The following REEP1 variants were observed in gnomAD, a reference collection of about 807,000 sequenced individuals.
The protein encoded by REEP1 is receptor accessory protein 1.
Under a neutral mutation model 40.3 loss-of-function variants are expected in REEP1, and 22 were observed. The observed-to-expected ratio is 0.55, with a 90% CI of 0.39 to 0.78. The LOEUF (loss-of-function observed/expected upper bound fraction) is 0.78, where lower values mean the gene tolerates loss of function less well. REEP1 is among the 30% of genes least tolerant of loss of function. The probability of loss-of-function intolerance (pLI) is 0.00; values close to 1 mark genes in which losing one functional copy is unlikely to be tolerated. For synonymous variants in REEP1, 116 were observed against 139.2 expected, an observed-to-expected ratio of 0.83 and a Z score of 1.17; for missense variants, 280 against 361.1, an observed-to-expected ratio of 0.78 and a Z score of 1.82.
intron 1 of REEP1, among the ~76,000 whole-genome samples, chr2:86,284,850 C>T (rs140692335): frequency 1.3e-5 from 2 of 152,258 alleles, no homozygotes; most frequent in Admixed American, 1.3e-4. Context: ...GAGCTGGTTG[C>T]CAGCATCCTC....
chr2:86,302,955 G>T (rs1040515694), intron 1 of REEP1, among the ~76,000 whole-genome samples: 1 of 152,156 alleles, frequency 6.6e-6, no homozygotes, highest in African/African-American at 2.4e-5. Flanking sequence ...GCATCTCACT[G>T]AGTTCAAGTG....
At chr2:86,323,554 G>A (rs112661839) in intron 1 of REEP1, among the ~76,000 whole-genome samples, 3,456 of 152,176 alleles carry the variant, frequency 0.023, 70 homozygotes, top group Middle Eastern at 0.054. Flanking sequence ...GAGAGACTTA[G>A]GTTGCACAGC....
intron 7 of REEP1, among the ~76,000 whole-genome samples, chr2:86,223,189 G>T (rs879893212): frequency 5.9e-5 from 9 of 152,236 alleles, no homozygotes; most frequent in African/African-American, 1.9e-4. Context: ...CAGGGGAATG[G>T]GTGTGTGGCC....
intron 1 of REEP1, 89 bp from the exon 2 acceptor site, chr2:86,282,331 CTAAGCTACAGA>C: frequency 2.0e-6 from 2 of 996,548 alleles, no homozygotes; most frequent in Non-Finnish European, 3.2e-6. Flanking sequence ...GAGCAACTCT[CTAAGCTACAGA>C]AAGTGCTGCT....
chr2:86,280,789 G>C (rs574054801), intron 2 of REEP1, among the ~76,000 whole-genome samples: 2 of 152,150 alleles, frequency 1.3e-5, no homozygotes, highest in South Asian at 2.1e-4. Flanking sequence ...ATTGCGGGGT[G>C]GGGTGGGGGG....
In REEP1 at chr2:86,215,712, C is replaced by A. The variant is rs1268713303; in HGVS notation, c.*1327G>T. The A allele has an allele frequency of 6.6e-6, 1 of 152,608 alleles. No homozygotes were observed. The highest frequency in any genetic ancestry group is 2.4e-5 in the African/African-American group (1 of 41,452). The allele number at this position is 152,608 out of a possible 1,614,324, so 9.5% of individuals were successfully genotyped here. A position where few individuals can be genotyped will look rare whatever the true frequency, so the allele number is the denominator to read the frequency against. On this transcript the variant is annotated 3_prime_UTR_variant, in exon 9 of 9. Transcript: ENST00000538924. The stretch of plus-strand genomic sequence containing the variant: ...CCAGATTCTTTTCAAATAAAATTCT[C>A]AATCTAAGTGGAAAGCCCCCTCAGA...
intron 1 of REEP1, among the ~76,000 whole-genome samples, chr2:86,296,823 C>T (rs1298989676): frequency 6.6e-6 from 1 of 152,160 alleles, no homozygotes; most frequent in African/African-American, 2.4e-5. Flanking sequence ...CGCCACTGCA[C>T]TCCAGCCTGT....
rs562115675 is a variant in REEP1, at chr2:86,307,224, C to G, written c.33-24982G>C. 3.3e-5 allele frequency among the ~76,000 whole-genome samples: 5 copies of G among 151,256 alleles called. No homozygotes were observed. The South Asian group carries it at 1.0e-3, about 32-fold the overall frequency. On this transcript the variant is annotated intron_variant, in intron 1 of 8. Transcript: ENST00000538924. ...GTCAAAAAAAAAAAAAAAAGTCACACCTATTTATCCATGTTCTACTTTATG... is the reference window on the plus strand; with the variant it reads ...GTCAAAAAAAAAAAAAAAAGTCACAGCTATTTATCCATGTTCTACTTTATG...
chr2:86,225,046 C>A (rs538929946), intron 7 of REEP1, among the ~76,000 whole-genome samples: 1 of 152,362 alleles, frequency 6.6e-6, no homozygotes, highest in Admixed American at 6.5e-5. Flanking sequence ...CCTGGAGCCA[C>A]TGGCACCACA....
chr2:86,301,632 T>G (rs987358077), intron 1 of REEP1, among the ~76,000 whole-genome samples: 4 of 152,210 alleles, frequency 2.6e-5, no homozygotes, highest in African/African-American at 9.6e-5. Flanking sequence ...TAAATGACAA[T>G]GTAATGTCAA....
chr2:86,270,171 TTTTGTTTGTTTGTTTG>T (rs199623683), intron 2 of REEP1, among the ~76,000 whole-genome samples: 42 of 109,256 alleles, frequency 3.8e-4, no homozygotes, highest in African/African-American at 9.8e-4. Context: ...ATCATTTTTC[TTTTGTTTGTTTGTTTG>T]TTTGTTTGTT....
chr2:86,260,650 G>A (rs541207291), intron 3 of REEP1, among the ~76,000 whole-genome samples: 4 of 152,324 alleles, frequency 2.6e-5, no homozygotes, highest in African/African-American at 9.6e-5. Context: ...GCCATCATTG[G>A]CTTGAAGATG....
chr2:86,246,435 G>A (rs1675960491), intron 5 of REEP1, among the ~76,000 whole-genome samples: 1 of 152,178 alleles, frequency 6.6e-6, no homozygotes, highest in African/African-American at 2.4e-5. Flanking sequence ...TCAATAGGTG[G>A]ACTATAGTAA....
rs1217260656 is a variant in REEP1 at position 86,215,916 on chromosome 2, A to C, written c.*1123T>G. ...GCAAGTCTAACCCATGAAGATCTCG[A>C]GCTCCAAAACCATTCTAGAGCCCAC... On this transcript the variant is annotated 3_prime_UTR_variant, in exon 9 of 9. Transcript: ENST00000538924. The C allele has an allele frequency of 6.6e-6, 1 of 152,008 alleles. No homozygotes were observed. The highest frequency in any genetic ancestry group is 1.5e-5 in the Non-Finnish European group (1 of 68,006). 9.4% of individuals were successfully genotyped at this position (152,008 alleles called of 1,614,324 possible). A position where few individuals can be genotyped will look rare whatever the true frequency, so the allele number is the denominator to read the frequency against.
chr2:86,280,990 G>A (rs1678051854), intron 2 of REEP1, among the ~76,000 whole-genome samples: 1 of 152,184 alleles, frequency 6.6e-6, no homozygotes, highest in African/African-American at 2.4e-5. Flanking sequence ...GTTCAGATGA[G>A]GACACTTAGG....
intron 1 of REEP1, among the ~76,000 whole-genome samples, chr2:86,308,031 G>A (rs1006172833): frequency 5.3e-5 from 8 of 152,098 alleles, no homozygotes; most frequent in Non-Finnish European, 1.0e-4. Context: ...ACTAAACAGG[G>A]GTTGTCAGGC....
In REEP1 at chr2:86,337,510, TGGCGGGCAGGCG is replaced by T; in HGVS notation, c.-12_-1del. ...AGCCTGGAGATGATCCATGACACCA[TGGCGGGCAGGCG>T]GGCGGGCGAGGCCCGGGCGGCGCGG... On this transcript the variant is annotated 5_prime_UTR_variant, in exon 1 of 9. Transcript: ENST00000538924. This position sits in a 1 kb window ranked among gnomAD's most constrained non-coding sequence, Gnocchi z 5.8. 7.8e-7 allele frequency: 1 copy of T among 1,282,904 alleles called. No individual in the cohort carries two copies. Among genetic ancestry groups the T allele is most frequent in the Non-Finnish European group, 9.9e-7 (1 of 1,007,706 alleles). The allele number at this position is 1,282,904 out of a possible 1,614,324, so 79.5% of individuals were successfully genotyped here.
At chr2:86,298,891 T>C (rs1210427610) in intron 1 of REEP1, among the ~76,000 whole-genome samples, 1 of 152,196 alleles carries the variant, frequency 6.6e-6, no homozygotes, top group Non-Finnish European at 1.5e-5. Flanking sequence ...GACCGAGCTT[T>C]CCTCTGGATG....
chr2:86,288,739 A>C (rs1040438494), intron 1 of REEP1, among the ~76,000 whole-genome samples: 1 of 152,142 alleles, frequency 6.6e-6, no homozygotes, highest in South Asian at 2.1e-4. Flanking sequence ...AGTGTCTAAG[A>C]TTTTAATACT....
Sources: gnomAD v4.1 joint callset for allele counts (sites outside exome capture counted in the v4.1 genomes callset) on GRCh38, gnomAD v4.1.1 for gene constraint, Gnocchi (gnomAD v3.1) non-coding constraint, MANE v1.5 for transcripts, NCBI Gene and HGNC (gene_info 2026-07-23, HGNC 2026-07-21) for gene names.